EVL: variants seen among roughly 807,000 people sequenced by gnomAD.
The protein encoded by EVL is ena/VASP-like protein.
A neutral mutation model predicts 59.6 loss-of-function variants in EVL; 21 were observed. That is an observed-to-expected ratio of 0.35 (90% CI 0.25 to 0.51). EVL has a LOEUF of 0.51. Among genes scored for constraint, EVL ranks in the 20% least tolerant of loss-of-function variants. The probability of loss-of-function intolerance (pLI) is 0.97; values close to 1 mark genes in which losing one functional copy is unlikely to be tolerated. For synonymous variants in EVL, 198 were observed against 203.5 expected, an observed-to-expected ratio of 0.97 and a Z score of 0.23; for missense variants, 462 against 546.6, an observed-to-expected ratio of 0.85 and a Z score of 1.54.
intron 1 of EVL, among the ~76,000 whole-genome samples, chr14:100,029,014 GA>G (rs1185398106): frequency 2.6e-5 from 4 of 152,296 alleles, no homozygotes; most frequent in African/African-American, 7.2e-5. Context: ...GTATAGGAAA[GA>G]AGTGTATAAA....
chr14:99,998,137 A>T (rs2060925318), intron 1 of EVL, among the ~76,000 whole-genome samples: 1 of 151,902 alleles, frequency 6.6e-6, no homozygotes, highest in South Asian at 2.1e-4. Context: ...CTCCCACCTC[A>T]GTCTCCCAAG....
chr14:100,138,263 C>T (rs144819463), intron 11 of EVL: 11 of 179,566 alleles, frequency 6.1e-5, no homozygotes, highest in Non-Finnish European at 9.5e-5. Context: ...CTAGCACTGG[C>T]GCTGAGCCCT....
rs983414958 is a variant in EVL at position 100,109,531 on chromosome 14, A to G, written c.358+11873A>G. 1 of 468,934 alleles carries G rather than the reference A, an allele frequency of 2.1e-6. No homozygotes were observed. Among genetic ancestry groups the G allele is most frequent in the African/African-American group, 2.0e-5 (1 of 50,050 alleles). 29.0% of individuals were successfully genotyped at this position (468,934 alleles called of 1,614,324 possible). A position where few individuals can be genotyped will look rare whatever the true frequency, so the allele number is the denominator to read the frequency against. Reference sequence around the variant, plus strand: ...ATCAGAGGTGTCTGGTGACTGAACAAGCTCCCAGCTTGCGCCCATGTCATA... The same window carrying G: ...ATCAGAGGTGTCTGGTGACTGAACAGGCTCCCAGCTTGCGCCCATGTCATA... On this transcript the variant is annotated intron_variant, in intron 3 of 13. Transcript: ENST00000392920. This position sits in a 1 kb window ranked among gnomAD's most constrained non-coding sequence, Gnocchi z 4.3.
chr14:100,048,837 T>C lies in EVL; in HGVS notation c.6-35850T>C, dbSNP rs1208550045. 2.0e-5 allele frequency among the ~76,000 whole-genome samples: 3 copies of C among 152,236 alleles called. No homozygotes were observed. The East Asian group carries it at 5.8e-4, about 29-fold the overall frequency. Reference sequence around the variant, plus strand: ...CACTGAATAAAGGAGGCCTATTAAGTCATAAAATGTTACACGTTGTATGAT... The same window carrying C: ...CACTGAATAAAGGAGGCCTATTAAGCCATAAAATGTTACACGTTGTATGAT... On this transcript the variant is annotated intron_variant, in intron 1 of 13. Coordinates refer to the EVL transcript ENST00000402714.
chr14:100,061,403 CAAAAAAAAAAAAAAAAAAAAAAAAAA>C, upstream of EVL, among the ~76,000 whole-genome samples: 1 of 19,094 alleles, frequency 5.2e-5, no homozygotes, highest in African/African-American at 2.6e-4. Flanking sequence ...GACCCTGTCT[CAAAAAAAAAAAAAAAAAAAAAAAAAA>C]AAGAAATGCT....
Position 100,123,706 on chromosome 14 carries a change from C to T in EVL, c.422+104C>T, listed in dbSNP as rs1442657210. On this transcript the variant is annotated intron_variant, in intron 4 of 13. Transcript: ENST00000392920. ...GATGCACCAGCAGCCAAGGCCAGGA[C>T]TCCTAGAGGCATACACTGCGGGAGG... is the stretch of plus-strand genomic sequence containing the variant. The T allele has an allele frequency of 2.6e-6, 3 of 1,172,174 alleles. No homozygotes were observed. In the African/African-American group the frequency reaches 4.6e-5, roughly 18 times the overall value. 72.6% of individuals were successfully genotyped at this position (1,172,174 alleles called of 1,614,324 possible).
intron 1 of EVL, among the ~76,000 whole-genome samples, chr14:100,031,908 A>G (rs1202309575): frequency 6.6e-6 from 1 of 152,232 alleles, no homozygotes; most frequent in Non-Finnish European, 1.5e-5. Flanking sequence ...CACAGACTGC[A>G]TACCAGAGAC....
intron 3 of EVL, among the ~76,000 whole-genome samples, chr14:100,117,147 C>G (rs879689265): frequency 1.3e-5 from 2 of 152,112 alleles, no homozygotes; most frequent in Admixed American, 1.3e-4. Flanking sequence ...ACAGATTTCA[C>G]CCTTTGGGAA....
chr14:100,101,730 C>T (rs753381916), intron 3 of EVL, among the ~76,000 whole-genome samples: 1 of 152,214 alleles, frequency 6.6e-6, no homozygotes. Context: ...TACACGCTGT[C>T]CAGCACAAGA....
At chr14:100,085,856 G>A (rs773439613) in intron 2 of EVL, among the ~76,000 whole-genome samples, 4 of 152,150 alleles carry the variant, frequency 2.6e-5, no homozygotes, top group African/African-American at 9.7e-5. Context: ...GGCTGGGCAC[G>A]GTGGCTCACG....
chr14:99,997,911 G>C (rs1310363947), intron 1 of EVL, among the ~76,000 whole-genome samples: 2 of 152,192 alleles, frequency 1.3e-5, no homozygotes, highest in Non-Finnish European at 2.9e-5. Context: ...TTTGACTGAT[G>C]AAGTCATTTA....
At chr14:100,104,302 G>A (rs780411574) in intron 3 of EVL, among the ~76,000 whole-genome samples, 2 of 152,166 alleles carry the variant, frequency 1.3e-5, no homozygotes, top group Admixed American at 6.5e-5. Context: ...ACCTTCAGCC[G>A]TTACTTTTCT....
At position 100,114,888 on chromosome 14, in the gene EVL, G is replaced by A. The variant is rs1045059672; in HGVS notation, c.359-8651G>A. Among the ~76,000 whole-genome samples the A allele has an allele frequency of 9.2e-5, 14 of 151,866 alleles. No individual in the cohort carries two copies. Among genetic ancestry groups the A allele is most frequent in the Non-Finnish European group, 1.5e-4 (10 of 67,832 alleles). ...GACATCCTTGCGGAAGCGGCAGGGT[G>A]GAAGCAGCAGCTGGGTACTGGGAGG... On this transcript the variant is annotated intron_variant, in intron 3 of 13. Transcript: ENST00000392920. This position sits in a 1 kb window ranked among gnomAD's most constrained non-coding sequence, Gnocchi z 5.0.
At chr14:100,063,812 A>G (rs145996395), upstream of EVL, among the ~76,000 whole-genome samples, 423 of 152,374 alleles carry the variant, frequency 2.8e-3, 7 homozygotes, top group Admixed American at 0.014. Context: ...ATGCTGGGCC[A>G]TAACGCACAT....
chr14:100,056,594 C>T (rs2061737512), intron 1 of EVL, among the ~76,000 whole-genome samples: 1 of 151,848 alleles, frequency 6.6e-6, no homozygotes, highest in East Asian at 1.9e-4. Flanking sequence ...TTATAATTTC[C>T]TCCTGGAAAT....
chr14:100,134,865 G>A (rs1888670881), intron 8 of EVL: 1 of 152,234 alleles, frequency 6.6e-6, no homozygotes, highest in South Asian at 2.1e-4. Context: ...GCGACTGCCA[G>A]AGGTGGGGTG....
At chr14:100,031,273 T>C (rs117541352) in intron 1 of EVL, among the ~76,000 whole-genome samples, 3,969 of 152,342 alleles carry the variant, frequency 0.026, 80 homozygotes, top group Non-Finnish European at 0.04. Flanking sequence ...AAAGTTCCAC[T>C]GATGATTCTG....
chr14:100,042,913 A>G (rs1014243537), intron 1 of EVL, among the ~76,000 whole-genome samples: 1 of 152,194 alleles, frequency 6.6e-6, no homozygotes, highest in Non-Finnish European at 1.5e-5. Flanking sequence ...TCTGAGGTAT[A>G]TAAGCCCTGA....
chr14:100,067,161 C>T (rs2061947454), intron 1 of EVL, among the ~76,000 whole-genome samples: 4 of 152,164 alleles, frequency 2.6e-5, no homozygotes, highest in Non-Finnish European at 5.9e-5. Flanking sequence ...CCTGGCCTGG[C>T]ACCATAGTGA....
Sources: gnomAD v4.1 joint callset for allele counts (sites outside exome capture counted in the v4.1 genomes callset) on GRCh38, gnomAD v4.1.1 for gene constraint, Gnocchi (gnomAD v3.1) non-coding constraint, MANE v1.5 for transcripts, NCBI Gene and HGNC (gene_info 2026-07-23, HGNC 2026-07-21) for gene names.